The following NLGN1 variants were observed in gnomAD, a reference collection of about 807,000 sequenced individuals.
The protein encoded by NLGN1 is neuroligin-1.
In NLGN1, 12 loss-of-function variants were observed where a neutral mutation model predicts 65.5. That is an observed-to-expected ratio of 0.18 (90% CI 0.12 to 0.30). The LOEUF is 0.30. Among genes scored for constraint, NLGN1 ranks in the 10% least tolerant of loss-of-function variants. The pLI is 1.00. For missense variants in NLGN1, 750 were observed against 1,007.1 expected, an observed-to-expected ratio of 0.74 and a Z score of 3.46; for synonymous variants, 350 against 359.5, an observed-to-expected ratio of 0.97 and a Z score of 0.30.
chr3:174,137,206 TG>T (rs1421491593), intron 4 of NLGN1, among the ~76,000 whole-genome samples: 6 of 152,276 alleles, frequency 3.9e-5, no homozygotes, highest in Admixed American at 1.3e-4. Flanking sequence ...AATTGAGGAC[TG>T]TCTGTATTTT....
intron 2 of NLGN1, among the ~76,000 whole-genome samples, chr3:173,519,211 G>A (rs1365135815): frequency 2.0e-5 from 3 of 152,230 alleles, no homozygotes; most frequent in African/African-American, 7.2e-5. Context: ...AAGCTGGAAT[G>A]TCCAGTCAGA....
rs1218692847 is a variant in NLGN1, at chr3:173,718,685, C to A, written c.494-88995C>A. ...TATGACAAATTCTGGTTATGAATAT[C>A]CTGAGTTAGGCCAATAGATGCATCA... On this transcript the variant is annotated intron_variant, in intron 3 of 6. Coordinates refer to ENST00000457714, the Ensembl canonical transcript of NLGN1. Among the ~76,000 whole-genome samples the A allele has an allele frequency of 2.0e-5, 3 of 152,202 alleles. No homozygotes were observed. In the East Asian group the frequency reaches 5.8e-4, roughly 29 times the overall value.
At chr3:174,203,803 G>A (rs960551827) in intron 4 of NLGN1, among the ~76,000 whole-genome samples, 18 of 152,142 alleles carry the variant, frequency 1.2e-4, no homozygotes, top group Admixed American at 1.2e-3. Flanking sequence ...TGATATAGCT[G>A]TGGCTATTCT....
chr3:173,603,403 T>C (rs1750869062), intron 2 of NLGN1, among the ~76,000 whole-genome samples: 1 of 151,976 alleles, frequency 6.6e-6, no homozygotes, highest in South Asian at 2.1e-4. Flanking sequence ...TTAGGTATGA[T>C]TATTTTTTTA....
intron 4 of NLGN1, among the ~76,000 whole-genome samples, chr3:174,130,683 C>T (rs562296905): frequency 1.3e-5 from 2 of 151,950 alleles, no homozygotes; most frequent in South Asian, 4.2e-4. Context: ...TAGCAGGTGA[C>T]GCAGACAACA....
chr3:174,199,095 C>A (rs1733982053), intron 4 of NLGN1, among the ~76,000 whole-genome samples: 1 of 152,108 alleles, frequency 6.6e-6, no homozygotes, highest in African/African-American at 2.4e-5. Flanking sequence ...GATCCGCCCA[C>A]CTCGGCCTCC....
intron 4 of NLGN1, among the ~76,000 whole-genome samples, chr3:173,824,711 C>T (rs1720987945): frequency 6.6e-6 from 1 of 152,052 alleles, no homozygotes; most frequent in African/African-American, 2.4e-5. Context: ...TTTTCTCCAA[C>T]ACTCATATGA....
chr3:173,661,513 G>T (rs868054315), intron 3 of NLGN1, among the ~76,000 whole-genome samples: 6 of 151,958 alleles, frequency 3.9e-5, no homozygotes, highest in Admixed American at 6.6e-5. Flanking sequence ...CCACATAGTG[G>T]TAAGCGAGAT....
chr3:174,084,967 A>C (rs1208969515), intron 4 of NLGN1, among the ~76,000 whole-genome samples: 1 of 152,020 alleles, frequency 6.6e-6, no homozygotes, highest in Non-Finnish European at 1.5e-5. Flanking sequence ...CTCAATTGCA[A>C]ATTATCTTTG....
intron 2 of NLGN1, among the ~76,000 whole-genome samples, chr3:173,601,955 C>G (rs1316034720): frequency 2.0e-5 from 3 of 151,934 alleles, no homozygotes; most frequent in African/African-American, 7.2e-5. Flanking sequence ...ATTTTAAATA[C>G]ACTAGGATCA....
At chr3:174,011,753 C>T (rs1022763694) in intron 4 of NLGN1, among the ~76,000 whole-genome samples, 8 of 152,048 alleles carry the variant, frequency 5.3e-5, no homozygotes, top group African/African-American at 1.9e-4. Context: ...TGAAATAAAA[C>T]ATTTTATATT....
chr3:174,129,992 G>A (rs954511407), intron 4 of NLGN1, among the ~76,000 whole-genome samples: 2 of 152,204 alleles, frequency 1.3e-5, no homozygotes, highest in African/African-American at 4.8e-5. Flanking sequence ...CCTGTCTGTT[G>A]CTAGTTTGCA....
intron 4 of NLGN1, among the ~76,000 whole-genome samples, chr3:174,273,907 G>A (rs1220945253): frequency 1.4e-5 from 2 of 143,814 alleles, no homozygotes; most frequent in Non-Finnish European, 1.6e-5. Context: ...ATTCAGTTTG[G>A]TTATGGATTT....
intron 2 of NLGN1, among the ~76,000 whole-genome samples, chr3:173,484,927 C>T (rs1308434305): frequency 2.0e-5 from 3 of 151,816 alleles, no homozygotes; most frequent in African/African-American, 7.3e-5. Flanking sequence ...TCTGCAAGGG[C>T]CCCTTCCACT....
At chr3:173,570,645 C>T (rs1418191674) in intron 2 of NLGN1, among the ~76,000 whole-genome samples, 3 of 152,116 alleles carry the variant, frequency 2.0e-5, no homozygotes, top group Non-Finnish European at 4.4e-5. Context: ...TTGTCCCCTG[C>T]CTCTTTCACT....
At chr3:173,420,776 G>A (rs147146062) in intron 1 of NLGN1, among the ~76,000 whole-genome samples, 1 of 152,262 alleles carries the variant, frequency 6.6e-6, no homozygotes, top group Non-Finnish European at 1.5e-5. Flanking sequence ...CCAAAAGATT[G>A]TACCCTAAAA....
At chr3:173,852,472 C>A (rs1727170075) in intron 4 of NLGN1, among the ~76,000 whole-genome samples, 1 of 148,664 alleles carries the variant, frequency 6.7e-6, no homozygotes, top group African/African-American at 2.5e-5. Flanking sequence ...AAGGCTTCAT[C>A]AGTTTCAGAA....
chr3:173,810,583 T>C (rs1717711995), intron 4 of NLGN1, among the ~76,000 whole-genome samples: 1 of 152,220 alleles, frequency 6.6e-6, no homozygotes, highest in African/African-American at 2.4e-5. Flanking sequence ...TCTGTGTTGA[T>C]TTGAACTTGC....
chr3:174,187,966 T>A (rs1414569147), intron 4 of NLGN1, among the ~76,000 whole-genome samples: 1 of 152,078 alleles, frequency 6.6e-6, no homozygotes, highest in Non-Finnish European at 1.5e-5. Context: ...TCATTACATG[T>A]TTATTGAATG....
Sources: allele counts gnomAD v4.1 joint callset (sites outside exome capture counted in the v4.1 genomes callset), GRCh38; gene constraint gnomAD v4.1.1; transcripts MANE v1.5; gene names NCBI Gene and HGNC (gene_info 2026-07-23, HGNC 2026-07-21).